Variants in RHEBL1 observed in about 807,000 individuals in gnomAD.
RHEBL1 encodes RHEB like 1.
Under a neutral mutation model 27.4 loss-of-function variants are expected in RHEBL1, and 22 were observed. The observed-to-expected ratio is 0.80, with a 90% CI of 0.57 to 1.15. The LOEUF is 1.15. Among genes scored for constraint, RHEBL1 ranks in the 50% most tolerant of loss-of-function variants. RHEBL1 has a pLI of 0.00. For missense variants in RHEBL1, 186 were observed against 226.5 expected (o/e 0.82, Z 1.15); for synonymous variants, 85 against 80.8 (o/e 1.05, Z -0.28).
chr12:49,068,122 C>CTTTTTTTTTT (rs56250975), intron 2 of RHEBL1, among the ~76,000 whole-genome samples: 7 of 144,908 alleles, frequency 4.8e-5, no homozygotes, highest in Non-Finnish European at 1.5e-5. Flanking sequence ...TCTTTTTATT[C>CTTTTTTTTTT]TTTTTTTTTT....
In RHEBL1 at chr12:49,069,924, C is replaced by A; in HGVS notation, c.-139G>T. 1 of 714,010 alleles carries A rather than the reference C, an allele frequency of 1.4e-6. No individual in the cohort carries two copies. The allele number at this position is 714,010 out of a possible 1,614,324, so 44.2% of individuals were successfully genotyped here. Reference sequence around the variant, plus strand: ...TGCCGTGGGCAAGTTAGAAGGAAACCAAAACAAGCGCCGCGCCCGGAGCTG... The same window carrying A: ...TGCCGTGGGCAAGTTAGAAGGAAACAAAAACAAGCGCCGCGCCCGGAGCTG... On this transcript the variant is annotated 5_prime_UTR_variant, in exon 1 of 8. Transcript: ENST00000301068.
intron 2 of RHEBL1, among the ~76,000 whole-genome samples, chr12:49,067,416 A>G (rs1251706008): frequency 6.6e-6 from 1 of 151,110 alleles, no homozygotes; most frequent in Non-Finnish European, 1.5e-5. Flanking sequence ...AGTAGCTGGA[A>G]CTACAGGTGT....
In RHEBL1 at chr12:49,064,960, A is replaced by G; in HGVS notation, c.*143T>C. The G allele has an allele frequency of 1.5e-6, 1 of 645,912 alleles. No homozygotes were observed. Among genetic ancestry groups the G allele is most frequent in the Non-Finnish European group, 2.8e-6 (1 of 359,714 alleles). The allele number at this position is 645,912 out of a possible 1,614,324, so 40.0% of individuals were successfully genotyped here. ...CCACTGGAGCCTGGGGAAAGTGTGCAAACATGAGGATGCCACACTGTGTGT... is the reference window on the plus strand; with the variant it reads ...CCACTGGAGCCTGGGGAAAGTGTGCGAACATGAGGATGCCACACTGTGTGT... On this transcript the variant is annotated 3_prime_UTR_variant, in exon 8 of 8. Coordinates refer to ENST00000301068, the MANE Select transcript of RHEBL1 (RefSeq NM_144593.3).
intron 6 of RHEBL1, 96 bp from the exon 7 acceptor site, chr12:49,065,527 G>A: frequency 1.0e-6 from 1 of 999,738 alleles, no homozygotes. Flanking sequence ...CAGGCACAGT[G>A]GCTCATGCCT....
At chr12:49,065,849 C>T (rs189801669) in intron 6 of RHEBL1, among the ~76,000 whole-genome samples, 372 of 151,376 alleles carry the variant, frequency 2.5e-3, no homozygotes, top group African/African-American at 8.6e-3. Flanking sequence ...CGCTTGAACC[C>T]GGGAGGCAGA....
chr12:49,066,742 A>C (rs746348973), intron 3 of RHEBL1, 41 bp from the exon 4 acceptor site: 3 of 1,569,904 alleles, frequency 1.9e-6, no homozygotes, highest in Admixed American at 1.7e-5. Flanking sequence ...GATCCAAACC[A>C]CTAAGATGGC....
intron 2 of RHEBL1, among the ~76,000 whole-genome samples, chr12:49,067,429 A>T (rs992841515): frequency 2.0e-5 from 3 of 147,772 alleles, no homozygotes; most frequent in African/African-American, 5.0e-5. Context: ...ACAGGTGTGC[A>T]CCTCTGCACC....
At chr12:49,065,264 C>G (rs1455650333) in intron 7 of RHEBL1, 72 bp from the exon 8 acceptor site, 18 of 1,554,104 alleles carry the variant, frequency 1.2e-5, no homozygotes, top group Non-Finnish European at 1.5e-5. Context: ...GTGAAAGCCC[C>G]ATTCCCGCAA....
chr12:49,069,585 C>T lies in RHEBL1; in HGVS notation c.52+149G>A, dbSNP rs1464127079. 1.3e-5 allele frequency: 3 copies of T among 233,402 alleles called. 1 individual carries two copies. In the East Asian group the frequency reaches 2.1e-4, roughly 16 times the overall value. The allele number at this position is 233,402 out of a possible 1,614,324, so 14.5% of individuals were successfully genotyped here. A position where few individuals can be genotyped will look rare whatever the true frequency, so the allele number is the denominator to read the frequency against. ...CACCACCAACTCTTCCAATCCTCCA[C>T]TCTTCCATTCCTCCACTCTTCCAAT... On this transcript the variant is annotated intron_variant, in intron 1 of 7. Coordinates refer to ENST00000301068, the MANE Select transcript of RHEBL1 (RefSeq NM_144593.3).
chr12:49,069,596 C>T, intron 1 of RHEBL1, 138 bp downstream of exon 1: 2 of 781,066 alleles, frequency 2.6e-6, no homozygotes, highest in Non-Finnish European at 4.4e-6. Context: ...TCTTCCATTC[C>T]TCCACTCTTC....
Position 49,069,885 on chromosome 12 carries a change from G to T in RHEBL1, c.-100C>A. The T allele has an allele frequency of 9.5e-7, 1 of 1,050,458 alleles. No individual in the cohort carries two copies. The allele number at this position is 1,050,458 out of a possible 1,614,324, so 65.1% of individuals were successfully genotyped here. The stretch of plus-strand genomic sequence containing the variant: ...GCGCGGCAGCTGGTGCAGGAAAGTC[G>T]CTCACCCCGAAGCTGCCGTGGGCAA... On this transcript the variant is annotated 5_prime_UTR_variant, in exon 1 of 8. Transcript: ENST00000301068.
intron 7 of RHEBL1, 22 bp from the exon 8 acceptor site, chr12:49,065,214 G>A (rs1938976114): frequency 6.2e-7 from 1 of 1,602,388 alleles, no homozygotes; most frequent in South Asian, 1.1e-5. Context: ...GAGGATTCAG[G>A]GCAAAAGTCA....
At chr12:49,067,647 G>A (rs1171994809) in intron 2 of RHEBL1, among the ~76,000 whole-genome samples, 4 of 152,100 alleles carry the variant, frequency 2.6e-5, no homozygotes, top group African/African-American at 9.7e-5. Context: ...GGGCATGGTG[G>A]TGCATGCCTG....
chr12:49,065,425 T>C lies in RHEBL1; in HGVS notation c.387A>G (p.Val129=). The change falls in exon 7 of 8, where the codon GTA becomes GTG. Residue 129 remains valine, a synonymous_variant. Transcript: ENST00000301068. The part of the protein sequence containing the change: ...NKADLSPERE[V]QAVEGKKLAE... Reference sequence around the variant, plus strand: ...CCAGCTTCTTTCCTTCAACTGCCTGTACCTCTCTGGAAGCAAATTTGGGAC... The same window carrying C: ...CCAGCTTCTTTCCTTCAACTGCCTGCACCTCTCTGGAAGCAAATTTGGGAC... 2 of 1,614,052 alleles carry C rather than the reference T, an allele frequency of 1.2e-6. No individual in the cohort carries two copies. Among genetic ancestry groups the C allele is most frequent in the Non-Finnish European group, 1.7e-6 (2 of 1,179,914 alleles).
chr12:49,066,844 G>A (rs1939005402), intron 3 of RHEBL1, 124 bp downstream of exon 3: 2 of 1,082,954 alleles, frequency 1.8e-6, no homozygotes, highest in African/African-American at 1.5e-5. Context: ...GCTCCAATGA[G>A]CCCTGCATAC....
chr12:49,066,187 T>A (rs370160928), intron 6 of RHEBL1, 44 bp downstream of exon 6: 18 of 1,518,612 alleles, frequency 1.2e-5, no homozygotes, highest in Non-Finnish European at 1.6e-5. Flanking sequence ...TGATTCCCAG[T>A]CCATTTCACT....
chr12:49,068,960 A>T (rs562975811), intron 2 of RHEBL1, 75 bp downstream of exon 2: 1 of 1,460,312 alleles, frequency 6.8e-7, no homozygotes, highest in Admixed American at 2.1e-5. Flanking sequence ...AGAGAAATAA[A>T]TTATGGAGTT....
At chr12:49,069,618 C>A in intron 1 of RHEBL1, 116 bp downstream of exon 1, 1 of 941,564 alleles carries the variant, frequency 1.1e-6, no homozygotes, top group Non-Finnish European at 1.7e-6. Context: ...AATCCTCGCT[C>A]TACAACCCCA....
In RHEBL1 at chr12:49,066,473, T is replaced by C; in HGVS notation, c.332+3A>G. Reference sequence around the variant, plus strand: ...TATGTCCCTATCCCCCAGGGCCACTTACCGGGTTTTCCCATGGCCTTCATG... The same window carrying C: ...TATGTCCCTATCCCCCAGGGCCACTCACCGGGTTTTCCCATGGCCTTCATG... On this transcript the variant is annotated splice_donor_region_variant and intron_variant, in intron 5 of 7. Transcript: ENST00000301068. The C allele has an allele frequency of 6.2e-7, 1 of 1,613,956 alleles. No homozygotes were observed. Among genetic ancestry groups the C allele is most frequent in the Non-Finnish European group, 8.5e-7 (1 of 1,179,818 alleles).
Sources: gnomAD v4.1 joint callset for allele counts (sites outside exome capture counted in the v4.1 genomes callset) on GRCh38, gnomAD v4.1.1 for gene constraint, MANE v1.5 for transcripts, NCBI Gene and HGNC (gene_info 2026-07-23, HGNC 2026-07-21) for gene names.